Variants in DYRK1A observed in about 807,000 individuals in gnomAD.
DYRK1A encodes dual specificity tyrosine-phosphorylation-regulated kinase 1A.
A neutral mutation model predicts 79.7 loss-of-function variants in DYRK1A; 9 were observed. The observed-to-expected ratio is 0.11, with a 90% CI of 0.07 to 0.20. The LOEUF (loss-of-function observed/expected upper bound fraction) is 0.20. Ranked by LOEUF, DYRK1A falls within the 10% of genes least tolerant of loss-of-function variation. The pLI, the probability that DYRK1A is intolerant of heterozygous loss-of-function variation, is 1.00. For missense variants in DYRK1A, 622 were observed against 956.0 expected (o/e 0.65, Z 4.61); for synonymous variants, 349 against 329.7 (o/e 1.06, Z -0.63).
chr21:37,472,264 C>G (rs947177887), intron 2 of DYRK1A, among the ~76,000 whole-genome samples: 1 of 152,202 alleles, frequency 6.6e-6, no homozygotes, highest in Non-Finnish European at 1.5e-5. Context: ...TGCCGTAAAC[C>G]TGGCAGCAGG....
chr21:37,383,832 G>GGTGTCTGT (rs534518893), intron 1 of DYRK1A, among the ~76,000 whole-genome samples: 3 of 115,480 alleles, frequency 2.6e-5, no homozygotes, highest in Admixed American at 8.2e-5. Flanking sequence ...GATAGGTAAT[G>GGTGTCTGT]GTGTATGTGT....
intron 1 of DYRK1A, among the ~76,000 whole-genome samples, chr21:37,396,884 C>G (rs1033737298): frequency 3.9e-5 from 6 of 152,142 alleles, no homozygotes; most frequent in African/African-American, 1.4e-4. Context: ...AATTTGATGG[C>G]TCTAAGAGCA....
chr21:37,385,672 A>G (rs551755449), intron 1 of DYRK1A, among the ~76,000 whole-genome samples: 37 of 152,326 alleles, frequency 2.4e-4, no homozygotes, highest in African/African-American at 7.9e-4. Context: ...GCCTCCATCA[A>G]AGTTCTCTGA....
intron 1 of DYRK1A, among the ~76,000 whole-genome samples, chr21:37,400,942 C>A (rs1192936467): frequency 6.6e-6 from 1 of 152,016 alleles, no homozygotes; most frequent in Non-Finnish European, 1.5e-5. Context: ...GTCAGGAGTT[C>A]AAGACAGCCT....
At chr21:37,388,805 C>T (rs571773377) in intron 1 of DYRK1A, among the ~76,000 whole-genome samples, 18 of 151,740 alleles carry the variant, frequency 1.2e-4, no homozygotes, top group Non-Finnish European at 1.6e-4. Flanking sequence ...CCATCATGCC[C>T]GGCTAATTTT....
chr21:37,454,141 G>A (rs1463147603), intron 2 of DYRK1A, among the ~76,000 whole-genome samples: 1 of 119,188 alleles, frequency 8.4e-6, no homozygotes, highest in Non-Finnish European at 1.6e-5. Flanking sequence ...TGCCCAGGCT[G>A]TAGTGCAGTA....
chr21:37,512,678 T>A lies in DYRK1A; in HGVS notation c.*147T>A. On this transcript the variant is annotated 3_prime_UTR_variant, in exon 12 of 12. Transcript: ENST00000647188. ...GGCAAAGCTGATTTTTTTTTTAACTTGAAAAGATTGCAAAGGGACATTGAA... is the reference window on the plus strand; with the variant it reads ...GGCAAAGCTGATTTTTTTTTTAACTAGAAAAGATTGCAAAGGGACATTGAA... 1.1e-6 allele frequency: 1 copy of A among 896,168 alleles called. No individual in the cohort carries two copies. The highest frequency in any genetic ancestry group is 1.7e-6 in the Non-Finnish European group (1 of 603,022). The allele number at this position is 896,168 out of a possible 1,614,324, so 55.5% of individuals were successfully genotyped here. A position where few individuals can be genotyped will look rare whatever the true frequency, so the allele number is the denominator to read the frequency against.
intron 1 of DYRK1A, among the ~76,000 whole-genome samples, chr21:37,393,835 C>A (rs1011131324): frequency 1.3e-5 from 2 of 152,246 alleles, no homozygotes; most frequent in Admixed American, 1.3e-4. Flanking sequence ...CCCTGGGCAT[C>A]TTCCTCCAGG....
At chr21:37,423,813 T>G (rs1160067531) in intron 2 of DYRK1A, among the ~76,000 whole-genome samples, 1 of 152,190 alleles carries the variant, frequency 6.6e-6, no homozygotes, top group African/African-American at 2.4e-5. Flanking sequence ...AATTTATTTT[T>G]AAATGTGCTG....
intron 2 of DYRK1A, among the ~76,000 whole-genome samples, chr21:37,447,628 G>GC (rs1375740970): frequency 1.3e-5 from 2 of 152,144 alleles, no homozygotes; most frequent in Non-Finnish European, 2.9e-5. Context: ...GAGAAAGCTT[G>GC]CTGACCCCTG....
intron 2 of DYRK1A, 73 bp from the exon 3 acceptor site, chr21:37,472,611 C>CTAA (rs2052261736): frequency 7.9e-7 from 1 of 1,268,356 alleles, no homozygotes; most frequent in East Asian, 2.5e-5. Context: ...ATTTAAGGAA[C>CTAA]CATTAGATAT....
chr21:37,409,803 A>G (rs975042061), intron 1 of DYRK1A, among the ~76,000 whole-genome samples: 7 of 152,294 alleles, frequency 4.6e-5, no homozygotes, highest in Non-Finnish European at 1.0e-4. Context: ...TGCTTTGGGA[A>G]GGGCTTTGAG....
chr21:37,512,428 A>G lies in DYRK1A; in HGVS notation c.2162A>G (p.His721Arg). Reference protein sequence around the residue: ...YQFSANTGPAHYMTEGHLTMR... With the variant: ...YQFSANTGPARYMTEGHLTMR... The stretch of plus-strand genomic sequence containing the variant: ...TTTTCTGCTAATACAGGTCCTGCAC[A>G]TTACATGACTGAAGGACATCTGACA... The change falls in exon 12 of 12, where the codon CAT becomes CGT. Residue 721 changes from histidine (H) to arginine (R), a missense_variant. Transcript: ENST00000647188. The G allele has an allele frequency of 1.2e-6, 2 of 1,614,260 alleles. No individual in the cohort carries two copies. Among genetic ancestry groups the G allele is most frequent in the South Asian group, 1.1e-5 (1 of 91,092 alleles).
rs2053934262 is a variant in DYRK1A, at chr21:37,521,380, C to T, written c.*8849C>T. On this transcript the variant is annotated 3_prime_UTR_variant, in exon 12 of 12. Transcript: ENST00000647188. ...TTTAAAAATGAACAAAAAGTCCTAC[C>T]CTGAAGAAGAAGAATGTCTTACCAG... The T allele has an allele frequency of 6.6e-6, 1 of 152,096 alleles. No individual in the cohort carries two copies. The highest frequency in any genetic ancestry group is 1.5e-5 in the Non-Finnish European group (1 of 68,044). 9.4% of individuals were successfully genotyped at this position (152,096 alleles called of 1,614,324 possible). A position where few individuals can be genotyped will look rare whatever the true frequency, so the allele number is the denominator to read the frequency against.
chr21:37,483,489 A>C lies in DYRK1A; in HGVS notation c.489+2663A>C, dbSNP rs2148591032. On this transcript the variant is annotated intron_variant, in intron 5 of 11. Coordinates refer to ENST00000647188, the MANE Select transcript of DYRK1A (RefSeq NM_001347721.2). ...GATTTGAAAGAATTTTGGTAATTAC[A>C]CATAATCCAGGGACTTTTTCCTTGA... is the stretch of plus-strand genomic sequence containing the variant. 2.0e-5 allele frequency among the ~76,000 whole-genome samples: 3 copies of C among 152,356 alleles called. No individual in the cohort carries two copies. The South Asian group carries it at 6.2e-4, about 32-fold the overall frequency.
At chr21:37,444,727 T>C (rs745917974) in intron 2 of DYRK1A, among the ~76,000 whole-genome samples, 4 of 152,052 alleles carry the variant, frequency 2.6e-5, no homozygotes, top group South Asian at 2.1e-4. Context: ...GGGTAGGGGA[T>C]GATAAATTAG....
rs117081553 is a variant in DYRK1A at position 37,415,422 on chromosome 21, A to C, written c.-76-4877A>C. The C allele has an allele frequency of 2.2e-4, 34 of 152,196 alleles. No homozygotes were observed. The East Asian group carries it at 6.6e-3, about 29-fold the overall frequency. The allele number at this position is 152,196 out of a possible 1,614,324, so 9.4% of individuals were successfully genotyped here. On this transcript the variant is annotated intron_variant, in intron 1 of 11. Transcript: ENST00000647188. ...TTAATGCAAAATTGACTCATCTGCT[A>C]TTGGTTTTTACCTTCCTTTCAGTTT... is the stretch of plus-strand genomic sequence containing the variant.
chr21:37,430,605 G>A (rs1340369435), intron 2 of DYRK1A, among the ~76,000 whole-genome samples: 1 of 152,210 alleles, frequency 6.6e-6, no homozygotes, highest in Non-Finnish European at 1.5e-5. Flanking sequence ...TTGTGGGTGA[G>A]GCATGTGGAC....
intron 1 of DYRK1A, among the ~76,000 whole-genome samples, chr21:37,387,046 G>C (rs763320076): frequency 2.6e-5 from 4 of 152,158 alleles, no homozygotes; most frequent in African/African-American, 4.8e-5. Flanking sequence ...TGGGTCCCTT[G>C]GCACTGGGCA....
Sources: gnomAD v4.1 joint callset for allele counts (sites outside exome capture counted in the v4.1 genomes callset) on GRCh38, gnomAD v4.1.1 for gene constraint, MANE v1.5 for transcripts, NCBI Gene and HGNC (gene_info 2026-07-23, HGNC 2026-07-21) for gene names.